C5orf34: variants seen among roughly 807,000 people sequenced by gnomAD.
C5orf34 encodes the protein uncharacterized protein C5orf34.
In C5orf34, 73 loss-of-function variants were observed where a neutral mutation model predicts 78.4. The observed-to-expected ratio is 0.93, with a 90% CI of 0.77 to 1.13. C5orf34 has a LOEUF of 1.13. Among genes scored for constraint, C5orf34 ranks in the 50% most tolerant of loss-of-function variants. The probability of loss-of-function intolerance (pLI) is 0.00; values close to 1 mark genes in which losing one functional copy is unlikely to be tolerated. For missense variants in C5orf34, 730 were observed against 732.7 expected, an observed-to-expected ratio of 1.00 and a Z score of 0.04; for synonymous variants, 251 against 246.6, an observed-to-expected ratio of 1.02 and a Z score of -0.17.
intron 1 of C5orf34, among the ~76,000 whole-genome samples, chr5:43,512,775 T>C (rs1746326433): frequency 7.3e-5 from 2 of 27,500 alleles, no homozygotes; most frequent in African/African-American, 9.5e-5. Context: ...TTTTTTTTTT[T>C]TTTTTTTTTT....
chr5:43,495,767 G>A lies in C5orf34; in HGVS notation c.1153-1166C>T, dbSNP rs1004012934. Reference sequence around the variant, plus strand: ...AGTTGGTGGTAGGATGCAGTCCAGAGCCTCAAGCAGCATGGTGCCGCTGGC... The same window carrying A: ...AGTTGGTGGTAGGATGCAGTCCAGAACCTCAAGCAGCATGGTGCCGCTGGC... On this transcript the variant is annotated intron_variant, in intron 6 of 12. Coordinates refer to ENST00000306862, the MANE Select transcript of C5orf34 (RefSeq NM_198566.4). 2.5e-5 allele frequency: 40 copies of A among 1,578,636 alleles called. No homozygotes were observed. The African/African-American group carries it at 4.4e-4, about 18-fold the overall frequency.
chr5:43,514,355 T>C (rs1368522301), intron 1 of C5orf34: 1 of 151,884 alleles, frequency 6.6e-6, no homozygotes, highest in Non-Finnish European at 1.5e-5. Flanking sequence ...TACAGATATA[T>C]ATATAAACAC....
chr5:43,509,301 A>G lies in C5orf34; in HGVS notation c.39T>C (p.Asp13=). The change falls in exon 2 of 13, where the codon GAT becomes GAC. Residue 13 remains aspartate, a synonymous_variant. Coordinates refer to ENST00000306862, the MANE Select transcript of C5orf34 (RefSeq NM_198566.4). The part of the protein sequence containing the change: ...AELRMILYED[D]SVQVQYVDGS... ...CATCAACATATTGTACTTGTACTGA[A>G]TCATCTTCATAAAGTATCATTCGCA... 6.2e-7 allele frequency: 1 copy of G among 1,613,318 alleles called. No individual in the cohort carries two copies. The highest frequency in any genetic ancestry group is 1.3e-5 in the African/African-American group (1 of 75,040).
intron 1 of C5orf34, 77 bp from the exon 2 acceptor site, chr5:43,509,452 T>C: frequency 1.3e-6 from 1 of 762,134 alleles, no homozygotes; most frequent in Non-Finnish European, 2.0e-6. Context: ...AGTGCGTGCA[T>C]TTTCTAAGAA....
At position 43,486,767 on chromosome 5, in the gene C5orf34, A is replaced by T; in HGVS notation, c.*148T>A. The T allele has an allele frequency of 2.4e-6, 1 of 415,010 alleles. No homozygotes were observed. The highest frequency in any genetic ancestry group is 4.3e-6 in the Non-Finnish European group (1 of 232,156). 25.7% of individuals were successfully genotyped at this position (415,010 alleles called of 1,614,324 possible). A position where few individuals can be genotyped will look rare whatever the true frequency, so the allele number is the denominator to read the frequency against. ...TACATATTTTAAAAATGTACAAGTT[A>T]AAAATACCTTCAAAGTTAAATGTCA... On this transcript the variant is annotated 3_prime_UTR_variant, in exon 13 of 13. Coordinates refer to ENST00000306862, the MANE Select transcript of C5orf34 (RefSeq NM_198566.4).
intron 7 of C5orf34, among the ~76,000 whole-genome samples, chr5:43,494,264 C>T (rs1409321621): frequency 6.6e-6 from 1 of 152,160 alleles, no homozygotes; most frequent in Admixed American, 6.5e-5. Context: ...TACTTCCTCT[C>T]AGCACTTGCT....
chr5:43,490,742 C>A lies in C5orf34; in HGVS notation c.1581-13G>T. 7.4e-7 allele frequency: 1 copy of A among 1,346,532 alleles called. No homozygotes were observed. The highest frequency in any genetic ancestry group is 1.0e-6 in the Non-Finnish European group (1 of 954,256). The allele number at this position is 1,346,532 out of a possible 1,614,324, so 83.4% of individuals were successfully genotyped here. A position where few individuals can be genotyped will look rare whatever the true frequency, so the allele number is the denominator to read the frequency against. On this transcript the variant is annotated splice_polypyrimidine_tract_variant and intron_variant, in intron 10 of 12. Transcript: ENST00000306862. ...TGTTGTCACATATCTAAAGTGAATA[C>A]ATTAAAAGAAATACTTGAAAAATGA...
intron 11 of C5orf34, among the ~76,000 whole-genome samples, chr5:43,489,474 T>C (rs1003382093): frequency 1.3e-5 from 2 of 152,142 alleles, no homozygotes; most frequent in Admixed American, 6.5e-5. Flanking sequence ...TTAGTGTGTA[T>C]TGACAGCCTC....
chr5:43,487,785 G>T, intron 12 of C5orf34, 124 bp downstream of exon 12: 1 of 689,322 alleles, frequency 1.5e-6, no homozygotes, highest in Non-Finnish European at 2.5e-6. Context: ...GGTATTTGCT[G>T]ACTCAATAAA....
Position 43,495,648 on chromosome 5 carries a change from C to A in C5orf34, c.1153-1047G>T, listed in dbSNP as rs190423360. On this transcript the variant is annotated intron_variant, in intron 6 of 12. Coordinates refer to ENST00000306862, the MANE Select transcript of C5orf34 (RefSeq NM_198566.4). ...GTGACCACCACACCAGGTTTGAGAA[C>A]ACCAGTCTCCACTCGGCCAACAGGA... 2.2e-5 allele frequency: 35 copies of A among 1,587,082 alleles called. No homozygotes were observed. In the Admixed American group the frequency reaches 2.5e-4, roughly 11 times the overall value.
chr5:43,496,572 GTTTT>G (rs1363503162), intron 6 of C5orf34: 4 of 628,844 alleles, frequency 6.4e-6, no homozygotes, highest in Non-Finnish European at 7.0e-6. Context: ...TCATTCAAAA[GTTTT>G]TTTTAATTTT....
At chr5:43,508,807 G>T in intron 2 of C5orf34, 141 bp from the exon 3 acceptor site, 1 of 653,912 alleles carries the variant, frequency 1.5e-6, no homozygotes, top group Non-Finnish European at 2.7e-6. Context: ...TCAAAGAGTA[G>T]TTTTGGCCAG....
At chr5:43,494,043 C>A (rs1745397473) in intron 7 of C5orf34, among the ~76,000 whole-genome samples, 1 of 152,090 alleles carries the variant, frequency 6.6e-6, no homozygotes, top group African/African-American at 2.4e-5. Context: ...AAACAACAGT[C>A]CACTTGCATT....
chr5:43,495,890 A>G (rs1745496888), intron 6 of C5orf34: 1 of 1,593,508 alleles, frequency 6.3e-7, no homozygotes, highest in African/African-American at 1.3e-5. Context: ...AATTGGCACA[A>G]ATGCTACTGT....
chr5:43,494,017 A>C (rs1298638233), intron 7 of C5orf34, among the ~76,000 whole-genome samples: 4 of 152,198 alleles, frequency 2.6e-5, no homozygotes, highest in African/African-American at 9.6e-5. Context: ...TTGCTTGTAC[A>C]TAAATTTATA....
intron 1 of C5orf34, among the ~76,000 whole-genome samples, chr5:43,512,199 C>G (rs1160846257): frequency 2.0e-5 from 3 of 152,232 alleles, no homozygotes; most frequent in Non-Finnish European, 4.4e-5. Flanking sequence ...TGCTGCCTTG[C>G]AGGCACTCAA....
intron 1 of C5orf34, among the ~76,000 whole-genome samples, chr5:43,510,776 G>A (rs1278533623): frequency 6.6e-6 from 1 of 152,226 alleles, no homozygotes; most frequent in African/African-American, 2.4e-5. Context: ...GCAGTGGCGT[G>A]ATCTCGGCTA....
chr5:43,503,760 C>T lies in C5orf34; in HGVS notation c.933G>A (p.Arg311=), dbSNP rs751541270. 1 of 1,598,372 alleles carries T rather than the reference C, an allele frequency of 6.3e-7. No homozygotes were observed. Among genetic ancestry groups the T allele is most frequent in the Non-Finnish European group, 8.6e-7 (1 of 1,165,878 alleles). ...GTAAAAGTGAATCACAAAAATTCCA[C>T]CTGTGAAGGATAAAATACAAGCTAT... The part of the protein sequence containing the change: ...SLSCPVPHLH[R]WNFCDSLLQR... The change falls in exon 5 of 13, where the codon AGG becomes AGA. Residue 311 remains arginine, a splice_region_variant and synonymous_variant. Coordinates refer to ENST00000306862, the MANE Select transcript of C5orf34 (RefSeq NM_198566.4).
intron 12 of C5orf34, among the ~76,000 whole-genome samples, chr5:43,487,686 T>C (rs923163189): frequency 7.2e-5 from 11 of 152,128 alleles, no homozygotes; most frequent in Non-Finnish European, 1.6e-4. Flanking sequence ...TAATTAACTG[T>C]TCTTTGCCCA....
Sources: allele counts gnomAD v4.1 joint callset (sites outside exome capture counted in the v4.1 genomes callset), GRCh38; gene constraint gnomAD v4.1.1; transcripts MANE v1.5; gene names NCBI Gene and HGNC (gene_info 2026-07-23, HGNC 2026-07-21).